CDC42SE2: variants seen among roughly 807,000 people sequenced by gnomAD.
CDC42SE2 encodes the protein CDC42 small effector 2.
In CDC42SE2, 3 loss-of-function variants were observed where a neutral mutation model predicts 11.5. That is an observed-to-expected ratio of 0.26 (90% CI 0.12 to 0.67). The LOEUF is 0.67. CDC42SE2 is among the 30% of genes least tolerant of loss of function. CDC42SE2 has a pLI of 0.80. For missense variants in CDC42SE2, 82 were observed against 106.8 expected (o/e 0.77, Z 1.02); for synonymous variants, 33 against 34.8 (o/e 0.95, Z 0.18).
At position 131,342,388 on chromosome 5, in the gene CDC42SE2, C is replaced by CTTTTTTTTTTTTTTTTTTTTT. The variant is rs35818778; in HGVS notation, c.-285-16802_-285-16801insTTTTTTTTTTTTTTTTTTTTT. 2.3e-3 allele frequency among the ~76,000 whole-genome samples: 260 copies of CTTTTTTTTTTTTTTTTTTTTT among 111,300 alleles called. 38 individuals are homozygous for CTTTTTTTTTTTTTTTTTTTTT. The highest frequency in any genetic ancestry group is 0.011 in the African/African-American group (245 of 22,562). 73.0% of individuals were successfully genotyped at this position (111,300 alleles called of 152,430 possible). A position where few individuals can be genotyped will look rare whatever the true frequency, so the allele number is the denominator to read the frequency against. ...TCAGAGATTTGCCATTTTTAATAGT[C>CTTTTTTTTTTTTTTTTTTTTT]TTTTTTTTTTTTTTTTTTTAAGATA... On this transcript the variant is annotated intron_variant, in intron 2 of 4. Transcript: ENST00000505065.
At chr5:131,333,603 G>A (rs1006576336) in intron 2 of CDC42SE2, among the ~76,000 whole-genome samples, 22 of 152,166 alleles carry the variant, frequency 1.4e-4, no homozygotes, top group Non-Finnish European at 1.3e-4. Context: ...CCATGAGCAT[G>A]GAATGTTCTT....
intron 2 of CDC42SE2, among the ~76,000 whole-genome samples, chr5:131,342,024 G>T (rs1758722094): frequency 6.6e-6 from 1 of 152,156 alleles, no homozygotes; most frequent in Non-Finnish European, 1.5e-5. Flanking sequence ...GCTCATGCCT[G>T]TAATCCCAGC....
chr5:131,385,818 CT>C (rs1750464526), intron 4 of CDC42SE2, among the ~76,000 whole-genome samples, 174 bp downstream of exon 4: 1 of 152,202 alleles, frequency 6.6e-6, no homozygotes, highest in Non-Finnish European at 1.5e-5. Context: ...AAAAATTAAT[CT>C]CTTTGAATTT....
the CDC42SE2 span, among the ~76,000 whole-genome samples, chr5:131,213,135 G>C: frequency 6.6e-6 from 1 of 152,230 alleles, no homozygotes. Context: ...AGAGGTTGCA[G>C]TGGGCCGAGC....
At chr5:131,274,048 G>T (rs1371451374) in intron 1 of CDC42SE2, among the ~76,000 whole-genome samples, 1 of 152,154 alleles carries the variant, frequency 6.6e-6, no homozygotes, top group African/African-American at 2.4e-5. Context: ...GGGACTACAG[G>T]CGTGAGCTAC....
chr5:131,257,626 C>T (rs1671200123), intron 2 of CDC42SE2, among the ~76,000 whole-genome samples: 1 of 151,800 alleles, frequency 6.6e-6, no homozygotes, highest in African/African-American at 2.4e-5. Flanking sequence ...TACAGGTGCG[C>T]ACCACCATGC....
chr5:131,263,875 T>G (rs900384722), upstream of CDC42SE2: 8 of 152,316 alleles, frequency 5.3e-5, no homozygotes, highest in African/African-American at 1.4e-4. Flanking sequence ...TCCCATCGCC[T>G]GCCGGCCGAT....
At chr5:131,233,795 A>G in the CDC42SE2 span, among the ~76,000 whole-genome samples, 1 of 152,192 alleles carries the variant, frequency 6.6e-6, no homozygotes, top group Non-Finnish European at 1.5e-5. Flanking sequence ...TCAATTCTCC[A>G]AATTTCTTTC....
At chr5:131,303,979 TG>T (rs1757733648) in intron 1 of CDC42SE2, among the ~76,000 whole-genome samples, 1 of 151,694 alleles carries the variant, frequency 6.6e-6, no homozygotes, top group African/African-American at 2.4e-5. Flanking sequence ...TTTTTTTTTT[TG>T]GGACAGTCTT....
rs551228293 is a variant in CDC42SE2 at position 131,367,041 on chromosome 5, T to A, written c.54+7494T>A. On this transcript the variant is annotated intron_variant, in intron 3 of 4. Transcript: ENST00000505065. ...AACCCTGTTTCAAAAAACAAATTTT[T>A]TATATATATATATAATTTTATATGC... Among the ~76,000 whole-genome samples, 79 of 150,698 alleles carry A rather than the reference T, an allele frequency of 5.2e-4. 1 individual carries two copies. The East Asian group carries it at 6.6e-3, about 13-fold the overall frequency.
At chr5:131,301,957 C>T (rs1757692236) in intron 1 of CDC42SE2, among the ~76,000 whole-genome samples, 2 of 151,916 alleles carry the variant, frequency 1.3e-5, no homozygotes. Flanking sequence ...GATTTCAAAC[C>T]CTGAAGACAG....
chr5:131,302,413 G>A (rs1211204542), intron 1 of CDC42SE2, among the ~76,000 whole-genome samples: 1 of 152,048 alleles, frequency 6.6e-6, no homozygotes, highest in Non-Finnish European at 1.5e-5. Context: ...TCCCGACCTC[G>A]GGTGATCCGC....
intron 1 of CDC42SE2, among the ~76,000 whole-genome samples, chr5:131,310,731 T>G (rs950055254): frequency 1.3e-5 from 2 of 152,188 alleles, no homozygotes; most frequent in Non-Finnish European, 2.9e-5. Flanking sequence ...TTTTGATGGT[T>G]TAAAGTCTGT....
chr5:131,333,851 A>T (rs1436426530), intron 2 of CDC42SE2, among the ~76,000 whole-genome samples: 2 of 152,212 alleles, frequency 1.3e-5, no homozygotes, highest in Non-Finnish European at 2.9e-5. Flanking sequence ...TATCAGCTTA[A>T]GGAGATTTTG....
intron 2 of CDC42SE2, among the ~76,000 whole-genome samples, chr5:131,352,210 T>A (rs2149764127): frequency 6.6e-6 from 1 of 152,256 alleles, no homozygotes; most frequent in African/African-American, 2.4e-5. Context: ...AGAAAACTGG[T>A]GGGTAGTTTC....
chr5:131,379,823 A>AACTGTTAAT, intron 3 of CDC42SE2, among the ~76,000 whole-genome samples: 1 of 152,202 alleles, frequency 6.6e-6, no homozygotes, highest in Non-Finnish European at 1.5e-5. Flanking sequence ...TGCTAACGAC[A>AACTGTTAAT]ACTGTTAATA....
intron 1 of CDC42SE2, among the ~76,000 whole-genome samples, chr5:131,246,164 A>T (rs1394885939): frequency 1.3e-5 from 2 of 152,186 alleles, no homozygotes; most frequent in African/African-American, 2.4e-5. Flanking sequence ...TCAGGGCTAT[A>T]AAAAAATCAG....
At chr5:131,232,503 C>T in the CDC42SE2 span, among the ~76,000 whole-genome samples, 12 of 151,904 alleles carry the variant, frequency 7.9e-5, no homozygotes, top group Admixed American at 3.9e-4. Flanking sequence ...GAGGCTGAGG[C>T]GGGTGGATTA....
intron 3 of CDC42SE2, among the ~76,000 whole-genome samples, chr5:131,380,676 CTTCT>C (rs1333049489): frequency 6.6e-6 from 1 of 151,946 alleles, no homozygotes; most frequent in Non-Finnish European, 1.5e-5. Context: ...TTTCTTTTTC[CTTCT>C]TTTTCTGTAC....
Sources: allele counts gnomAD v4.1 joint callset (sites outside exome capture counted in the v4.1 genomes callset), GRCh38; gene constraint gnomAD v4.1.1; transcripts MANE v1.5; gene names NCBI Gene and HGNC (gene_info 2026-07-23, HGNC 2026-07-21).